Variants in GPHN observed in about 807,000 individuals in gnomAD.
GPHN encodes gephyrin.
Under a neutral mutation model 95.5 loss-of-function variants are expected in GPHN, and 17 were observed. The ratio of observed to expected loss-of-function variants is 0.18; its 90% CI spans 0.12 to 0.27. The LOEUF (loss-of-function observed/expected upper bound fraction) is 0.27, where lower values mean the gene tolerates loss of function less well. Ranked by LOEUF, GPHN falls within the 10% of genes least tolerant of loss-of-function variation. The probability of loss-of-function intolerance (pLI) is 1.00; values close to 1 mark genes in which losing one functional copy is unlikely to be tolerated. For missense variants in GPHN, 660 were observed against 978.1 expected, an observed-to-expected ratio of 0.67 and a Z score of 4.34; for synonymous variants, 320 against 322.5, an observed-to-expected ratio of 0.99 and a Z score of 0.08.
At chr14:67,720,100 A>G in the GPHN span, among the ~76,000 whole-genome samples, 4 of 152,286 alleles carry the variant, frequency 2.6e-5, no homozygotes, top group South Asian at 2.1e-4. Context: ...TCATACTACA[A>G]TCTTTTTGAC....
At chr14:67,516,090 G>A in the GPHN span, among the ~76,000 whole-genome samples, 1 of 152,210 alleles carries the variant, frequency 6.6e-6, no homozygotes, top group East Asian at 1.9e-4. Context: ...AATACCGAAC[G>A]TAGGAAATCG....
At chr14:66,760,778 G>A in intron 2 of GPHN, 1 of 485,240 alleles carries the variant, frequency 2.1e-6, no homozygotes, top group East Asian at 5.7e-5. Context: ...CAAATACAGA[G>A]AGAGCTATGG....
chr14:67,051,485 T>A (rs1380175869), intron 10 of GPHN, among the ~76,000 whole-genome samples: 1 of 152,140 alleles, frequency 6.6e-6, no homozygotes, highest in African/African-American at 2.4e-5. Flanking sequence ...CTACAACTGA[T>A]TGGGGTACCT....
At chr14:66,953,667 A>G (rs2068276346) in intron 8 of GPHN, among the ~76,000 whole-genome samples, 1 of 152,284 alleles carries the variant, frequency 6.6e-6, no homozygotes, top group Admixed American at 6.5e-5. Flanking sequence ...CCTCAATTCT[A>G]TTCCATTAAC....
intron 11 of GPHN, among the ~76,000 whole-genome samples, chr14:67,068,440 T>C (rs926147087): frequency 1.2e-4 from 19 of 152,232 alleles, no homozygotes; most frequent in African/African-American, 4.6e-4. Context: ...CTAACATTTA[T>C]GATTCATTTT....
At chr14:66,706,927 A>ACAC (rs2069128440) in intron 2 of GPHN, among the ~76,000 whole-genome samples, 2 of 152,220 alleles carry the variant, frequency 1.3e-5, no homozygotes, top group South Asian at 4.1e-4. Flanking sequence ...ACAAAGGTCT[A>ACAC]ATATCCAGAA....
chr14:67,231,950 C>T, the GPHN span, among the ~76,000 whole-genome samples: 2 of 146,974 alleles, frequency 1.4e-5, no homozygotes, highest in Non-Finnish European at 1.5e-5. Flanking sequence ...GCCTGGGTGA[C>T]AGGGTGAGAC....
chr14:67,462,612 G>T, the GPHN span, among the ~76,000 whole-genome samples: 4 of 152,188 alleles, frequency 2.6e-5, no homozygotes, highest in African/African-American at 9.6e-5. Context: ...CCAAAGCTCT[G>T]GGATTGCAGG....
chr14:67,321,069 G>A, the GPHN span: 5 of 1,613,940 alleles, frequency 3.1e-6, no homozygotes, highest in Non-Finnish European at 4.2e-6. Flanking sequence ...ACAACCCGGA[G>A]TAGGCGAGAC....
At chr14:66,785,757 C>G (rs1286160345) in intron 3 of GPHN, among the ~76,000 whole-genome samples, 1 of 145,390 alleles carries the variant, frequency 6.9e-6, no homozygotes, top group Non-Finnish European at 1.5e-5. Context: ...AGAAAAATAT[C>G]AGGAAAAGCT....
intron 11 of GPHN, among the ~76,000 whole-genome samples, chr14:67,063,608 G>A (rs1323506916): frequency 6.6e-6 from 1 of 152,052 alleles, no homozygotes; most frequent in Non-Finnish European, 1.5e-5. Flanking sequence ...TTATTTCATT[G>A]AGCAGTAATT....
chr14:67,552,563 C>G, the GPHN span, among the ~76,000 whole-genome samples: 3 of 152,034 alleles, frequency 2.0e-5, no homozygotes, highest in Admixed American at 2.0e-4. Flanking sequence ...GTCAGGAGAT[C>G]GAGACCATCT....
At chr14:67,542,025 C>A in the GPHN span, 1 of 1,567,778 alleles carries the variant, frequency 6.4e-7, no homozygotes. Context: ...GCTGCCTCTC[C>A]ACACGCAGAG....
the GPHN span, among the ~76,000 whole-genome samples, chr14:67,434,666 C>A: frequency 6.6e-6 from 1 of 152,292 alleles, no homozygotes; most frequent in South Asian, 2.1e-4. Flanking sequence ...CCTGTTCATG[C>A]ATAGAGGTGG....
the GPHN span, among the ~76,000 whole-genome samples, chr14:67,442,663 C>A: frequency 6.6e-6 from 1 of 152,314 alleles, no homozygotes. Context: ...GTGTCAGATA[C>A]TGTTCAGGGA....
chr14:67,596,320 T>TTTTTTTA, the GPHN span, among the ~76,000 whole-genome samples: 3 of 146,084 alleles, frequency 2.1e-5, no homozygotes, highest in Non-Finnish European at 4.5e-5. Flanking sequence ...TTTTTTTTTT[T>TTTTTTTA]AGTAGAGATG....
the GPHN span, among the ~76,000 whole-genome samples, chr14:67,243,446 C>G: frequency 5.3e-5 from 8 of 150,628 alleles, no homozygotes; most frequent in Middle Eastern, 3.5e-3. Flanking sequence ...CCTCGGCCTC[C>G]TGAAATGCTG....
chr14:67,505,725 T>TA, the GPHN span, among the ~76,000 whole-genome samples: 189 of 151,434 alleles, frequency 1.2e-3, no homozygotes, highest in African/African-American at 4.6e-3. Flanking sequence ...TTTTTTTTTT[T>TA]AAACAGATTC....
intron 2 of GPHN, among the ~76,000 whole-genome samples, chr14:66,705,618 C>T (rs1280390346): frequency 6.6e-6 from 1 of 152,088 alleles, no homozygotes; most frequent in African/African-American, 2.4e-5. Context: ...GTCAAAATCC[C>T]TTCATATTAA....
Sources: gnomAD v4.1 joint callset for allele counts (sites outside exome capture counted in the v4.1 genomes callset) on GRCh38, gnomAD v4.1.1 for gene constraint, MANE v1.5 for transcripts, NCBI Gene and HGNC (gene_info 2026-07-23, HGNC 2026-07-21) for gene names.